Variants in CLVS1 observed in about 807,000 individuals in gnomAD.
CLVS1 encodes the protein clavesin-1.
A neutral mutation model predicts 33.1 loss-of-function variants in CLVS1; 10 were observed. That is an observed-to-expected ratio of 0.30 (90% confidence interval 0.19 to 0.51). The LOEUF is 0.51. CLVS1 is among the 20% of genes least tolerant of loss of function. The pLI, the probability that CLVS1 is intolerant of heterozygous loss-of-function variation, is 0.97. For synonymous variants in CLVS1, 163 were observed against 166.1 expected (o/e 0.98, Z 0.14); for missense variants, 343 against 433.4 (o/e 0.79, Z 1.85).
At chr8:61,097,258 C>G (rs1231133594) in intron 1 of CLVS1, among the ~76,000 whole-genome samples, 8 of 151,208 alleles carry the variant, frequency 5.3e-5, no homozygotes, top group Admixed American at 3.3e-4. Flanking sequence ...CACCACTGCT[C>G]TCCAGCCAGG....
intron 3 of CLVS1, among the ~76,000 whole-genome samples, chr8:61,413,065 C>G (rs755564261): frequency 1.3e-5 from 2 of 152,074 alleles, no homozygotes; most frequent in South Asian, 4.2e-4. Context: ...ATGAATGATC[C>G]CTAAGTGCTG....
intron 2 of CLVS1, among the ~76,000 whole-genome samples, chr8:61,205,951 C>G (rs1000230958): frequency 1.1e-4 from 17 of 152,210 alleles, no homozygotes; most frequent in Non-Finnish European, 2.2e-4. Flanking sequence ...AGTTCTGTCT[C>G]TTTCATTAGC....
Position 61,203,918 on chromosome 8 carries a change from G to A in CLVS1, c.-152+72058G>A, listed in dbSNP as rs369685977. Among the ~76,000 whole-genome samples the A allele has an allele frequency of 1.1e-4, 16 of 152,360 alleles. 1 individual carries two copies. In the East Asian group the frequency reaches 1.9e-3, roughly 18 times the overall value. On this transcript the variant is annotated intron_variant, in intron 2 of 2. Transcript: ENST00000522621. ...GATGACTTAAACAGCTCTACAGAAA[G>A]ATTCAACCAATATTTATGAAGCAAC...
chr8:61,036,675 T>C, the CLVS1 span, among the ~76,000 whole-genome samples: 72,394 of 152,090 alleles, frequency 0.48, 17,610 homozygotes, highest in Middle Eastern at 0.56. Context: ...GCTGACAAGT[T>C]CTAGCTATGT....
chr8:61,397,314 G>C (rs10093364), intron 3 of CLVS1, among the ~76,000 whole-genome samples: 99,574 of 151,942 alleles, frequency 0.66, 33,850 homozygotes, highest in Non-Finnish European at 0.75. Flanking sequence ...TATTGAAGAT[G>C]TTTTCATGTG....
rs74612764 is a variant in CLVS1 at position 61,501,223 on chromosome 8, T to C, written c.*1681T>C. ...ATAGATAGGTAAGAGAAATAAAGAA[T>C]TGAAGTGAATTAGAAAATCCATTTT... On this transcript the variant is annotated 3_prime_UTR_variant, in exon 6 of 6. Transcript: ENST00000325897. 5 of 152,232 alleles carry C rather than the reference T, an allele frequency of 3.3e-5. No homozygotes were observed. The highest frequency in any genetic ancestry group is 2.1e-4 in the South Asian group (1 of 4,832). The allele number at this position is 152,232 out of a possible 1,614,324, so 9.4% of individuals were successfully genotyped here.
intron 2 of CLVS1, among the ~76,000 whole-genome samples, chr8:61,176,881 TCACGGAGC>T (rs1807122230): frequency 6.6e-6 from 1 of 152,170 alleles, no homozygotes; most frequent in African/African-American, 2.4e-5. Flanking sequence ...AGGATCCCAA[TCACGGAGC>T]CACTCAGATT....
At chr8:61,304,151 G>A (rs1184915352) in intron 2 of CLVS1, among the ~76,000 whole-genome samples, 1 of 152,252 alleles carries the variant, frequency 6.6e-6, no homozygotes, top group Non-Finnish European at 1.5e-5. Flanking sequence ...TGACTGGGAA[G>A]TCATTTGAAT....
At chr8:61,394,376 G>A (rs1814434863) in intron 3 of CLVS1, among the ~76,000 whole-genome samples, 1 of 152,130 alleles carries the variant, frequency 6.6e-6, no homozygotes, top group East Asian at 1.9e-4. Context: ...CTTAGGTGAT[G>A]GGCTGGGCCA....
At chr8:61,252,712 C>G (rs921014551) in intron 2 of CLVS1, among the ~76,000 whole-genome samples, 3 of 152,086 alleles carry the variant, frequency 2.0e-5, no homozygotes, top group African/African-American at 7.2e-5. Context: ...GATTTAAAGC[C>G]TGTTTTATCA....
chr8:61,325,942 G>T (rs982603462), intron 2 of CLVS1, among the ~76,000 whole-genome samples: 1 of 151,942 alleles, frequency 6.6e-6, no homozygotes, highest in Admixed American at 6.6e-5. Context: ...TCCACTTTCT[G>T]CCGATCCACA....
chr8:61,230,635 T>A (rs1322145545), intron 2 of CLVS1, among the ~76,000 whole-genome samples: 1 of 152,244 alleles, frequency 6.6e-6, no homozygotes, highest in Non-Finnish European at 1.5e-5. Context: ...TATAATTTGC[T>A]GTTTTTTCTT....
chr8:61,488,437 T>G (rs979718693), intron 5 of CLVS1, among the ~76,000 whole-genome samples: 2 of 152,190 alleles, frequency 1.3e-5, no homozygotes, highest in Non-Finnish European at 2.9e-5. Context: ...AAGAATAACT[T>G]TATAATATAA....
chr8:61,112,209 C>CACACACACACACACAT lies in CLVS1; in HGVS notation c.-242-19551_-242-19550insACACATACACACACAC, dbSNP rs141923511. ...ACACACACACACACACACACACACA[C>CACACACACACACACAT]ACACACACACGCACAGAGACAGAGA... On this transcript the variant is annotated intron_variant, in intron 1 of 2. Transcript: ENST00000522621. 3.6e-4 allele frequency among the ~76,000 whole-genome samples: 52 copies of CACACACACACACACAT among 145,752 alleles called. 2 individuals carry two copies. The highest frequency in any genetic ancestry group is 1.2e-3 in the African/African-American group (48 of 38,938).
chr8:60,993,579 C>T, the CLVS1 span, among the ~76,000 whole-genome samples: 1 of 152,216 alleles, frequency 6.6e-6, no homozygotes, highest in Non-Finnish European at 1.5e-5. Flanking sequence ...CACAGGAAAC[C>T]CTCAGGGGAG....
chr8:61,084,188 G>A (rs866294510), intron 1 of CLVS1, among the ~76,000 whole-genome samples: 7 of 152,114 alleles, frequency 4.6e-5, no homozygotes, highest in Non-Finnish European at 8.8e-5. Flanking sequence ...AGACTATATC[G>A]TCCATTAAAA....
chr8:61,137,156 G>A (rs1806205427), intron 2 of CLVS1, among the ~76,000 whole-genome samples: 1 of 152,194 alleles, frequency 6.6e-6, no homozygotes, highest in African/African-American at 2.4e-5. Context: ...TTAATGGGGT[G>A]CATTTCAGAG....
intron 2 of CLVS1, among the ~76,000 whole-genome samples, chr8:61,189,397 C>T (rs1038813246): frequency 9.2e-5 from 14 of 152,140 alleles, no homozygotes; most frequent in South Asian, 2.1e-4. Context: ...AAGGAACAAC[C>T]GGTACCAGCC....
At chr8:61,408,484 A>G (rs1450474936) in intron 3 of CLVS1, among the ~76,000 whole-genome samples, 1 of 152,194 alleles carries the variant, frequency 6.6e-6, no homozygotes, top group African/African-American at 2.4e-5. Context: ...AATATGATCT[A>G]CTTCTTTTCT....
Sources: gnomAD v4.1 joint callset for allele counts (sites outside exome capture counted in the v4.1 genomes callset) on GRCh38, gnomAD v4.1.1 for gene constraint, MANE v1.5 for transcripts, NCBI Gene and HGNC (gene_info 2026-07-23, HGNC 2026-07-21) for gene names.